BLTP1: variants seen among roughly 807,000 people sequenced by gnomAD.
The protein encoded by BLTP1 is fragile site-associated protein.
the BLTP1 span, among the ~76,000 whole-genome samples, chr4:122,245,521 T>C: frequency 6.6e-6 from 1 of 152,092 alleles, no homozygotes; most frequent in Non-Finnish European, 1.5e-5. Flanking sequence ...TATCTTAATA[T>C]TACTTTTGAG....
chr4:122,184,089 G>A, the BLTP1 span, among the ~76,000 whole-genome samples: 630 of 152,120 alleles, frequency 4.1e-3, 2 homozygotes, highest in African/African-American at 0.014. Flanking sequence ...AAGATTAATA[G>A]AAGCATGACA....
At chr4:122,262,809 G>T in the BLTP1 span, 10 of 1,612,992 alleles carry the variant, frequency 6.2e-6, no homozygotes, top group Non-Finnish European at 7.6e-6. Flanking sequence ...TGGAGACACT[G>T]CCACTGATTC....
At chr4:122,347,893 A>G in the BLTP1 span, 2 of 619,382 alleles carry the variant, frequency 3.2e-6, no homozygotes, top group Non-Finnish European at 5.1e-6. Context: ...GGTTTTTATG[A>G]CACGTCAAAA....
At chr4:122,158,335 G>A in the BLTP1 span, among the ~76,000 whole-genome samples, 4 of 152,170 alleles carry the variant, frequency 2.6e-5, no homozygotes, top group Non-Finnish European at 4.4e-5. Context: ...ATTTTAAGGA[G>A]TATGCTGAAG....
chr4:122,214,616 CTTTTTTTTTTTT>C, the BLTP1 span: 2 of 78,470 alleles, frequency 2.5e-5, no homozygotes, highest in Admixed American at 3.3e-4. Flanking sequence ...TCAGTAAATT[CTTTTTTTTTTTT>C]TTTTTTTTTT....
the BLTP1 span, among the ~76,000 whole-genome samples, chr4:122,319,639 T>G: frequency 6.6e-6 from 1 of 151,470 alleles, no homozygotes; most frequent in Non-Finnish European, 1.5e-5. Context: ...CCTCCCGGGT[T>G]CAAGCAGTTC....
chr4:122,300,413 G>A, the BLTP1 span, among the ~76,000 whole-genome samples: 14 of 152,022 alleles, frequency 9.2e-5, no homozygotes, highest in African/African-American at 3.4e-4. Context: ...CCTTTCTGGT[G>A]TATTTATTCA....
the BLTP1 span, among the ~76,000 whole-genome samples, chr4:122,194,915 GA>G: frequency 1.1e-3 from 162 of 145,176 alleles, no homozygotes; most frequent in Non-Finnish European, 1.9e-3. Context: ...ATTTAAAAAA[GA>G]AAAAAAAAAG....
At chr4:122,182,642 A>G in the BLTP1 span, 1 of 985,372 alleles carries the variant, frequency 1.0e-6, no homozygotes, top group Non-Finnish European at 1.2e-6. Flanking sequence ...TTCCTGACAA[A>G]TGGGCAGAAC....
chr4:122,310,547 G>A, the BLTP1 span, among the ~76,000 whole-genome samples: 19 of 152,118 alleles, frequency 1.2e-4, no homozygotes, highest in African/African-American at 4.6e-4. Flanking sequence ...AGGGGTATGA[G>A]TTAAGCGTAG....
chr4:122,152,427 C>G, the BLTP1 span: 2 of 985,262 alleles, frequency 2.0e-6, no homozygotes, highest in Non-Finnish European at 2.4e-6. Context: ...GGCGGCGGCC[C>G]CGGGCGGCGG....
the BLTP1 span, chr4:122,256,707 A>G: frequency 4.8e-6 from 1 of 206,952 alleles, no homozygotes; most frequent in Non-Finnish European, 8.5e-6. Flanking sequence ...CATGTGGAAT[A>G]AAATGTATTT....
the BLTP1 span, chr4:122,305,286 A>G: frequency 1.0e-6 from 1 of 975,088 alleles, no homozygotes; most frequent in Admixed American, 6.2e-5. Flanking sequence ...TTGTGCTAAC[A>G]TTACTCAGTT....
chr4:122,272,001 G>C, the BLTP1 span: 1 of 507,320 alleles, frequency 2.0e-6, no homozygotes, highest in Non-Finnish European at 2.5e-6. Flanking sequence ...GTAGGAACTT[G>C]GAAAAATGTT....
chr4:122,305,662 G>A, the BLTP1 span: 1 of 945,316 alleles, frequency 1.1e-6, no homozygotes, highest in Non-Finnish European at 1.3e-6. Flanking sequence ...TTTATATAAA[G>A]TTTATCTATG....
At chr4:122,344,245 C>T in the BLTP1 span, 1 of 989,756 alleles carries the variant, frequency 1.0e-6, no homozygotes, top group African/African-American at 1.6e-5. Context: ...TTAGATCCCT[C>T]TGCTTAAATT....
the BLTP1 span, among the ~76,000 whole-genome samples, chr4:122,228,549 C>T: frequency 6.6e-6 from 1 of 152,150 alleles, no homozygotes; most frequent in Admixed American, 6.5e-5. Context: ...TGAGCATTTT[C>T]ATGCTATTGG....
the BLTP1 span, among the ~76,000 whole-genome samples, chr4:122,303,036 A>G: frequency 1.3e-5 from 2 of 152,218 alleles, no homozygotes; most frequent in Admixed American, 6.5e-5. Context: ...AGATTTTTCC[A>G]TGTAGCCTTC....
chr4:122,249,914 T>G, the BLTP1 span: 1 of 984,858 alleles, frequency 1.0e-6, no homozygotes, highest in Non-Finnish European at 1.2e-6. Context: ...CAACAATATG[T>G]TTTTCCGAAT....
Sources: gnomAD v4.1 joint callset for allele counts (sites outside exome capture counted in the v4.1 genomes callset) on GRCh38, gnomAD v4.1.1 for gene constraint, MANE v1.5 for transcripts, NCBI Gene and HGNC (gene_info 2026-07-23, HGNC 2026-07-21) for gene names.